PTPRG: variants seen among roughly 807,000 people sequenced by gnomAD.
PTPRG encodes receptor-type tyrosine-protein phosphatase gamma.
Under a neutral mutation model 165.3 loss-of-function variants are expected in PTPRG, and 102 were observed. That is an observed-to-expected ratio of 0.62 (90% CI 0.53 to 0.73). The LOEUF is 0.73. Among genes scored for constraint, PTPRG ranks in the 30% least tolerant of loss-of-function variants. The pLI is 0.00. For synonymous variants in PTPRG, 675 were observed against 669.5 expected (o/e 1.01, Z -0.13); for missense variants, 1,866 against 1,861.4 (o/e 1.00, Z -0.05).
At chr3:61,586,014 A>G (rs1272732674) in intron 1 of PTPRG, among the ~76,000 whole-genome samples, 1 of 152,254 alleles carries the variant, frequency 6.6e-6, no homozygotes, top group Non-Finnish European at 1.5e-5. Context: ...ATTGGATTAT[A>G]ACATGAATTT....
chr3:61,669,394 A>G (rs990534442), intron 1 of PTPRG, among the ~76,000 whole-genome samples: 1 of 113,564 alleles, frequency 8.8e-6, no homozygotes, highest in African/African-American at 2.7e-5. Flanking sequence ...TCAGAGGAAC[A>G]TTGGATGTGT....
rs143922891 is a variant in PTPRG, at chr3:61,841,911, C to T, written c.190+92929C>T. Among the ~76,000 whole-genome samples, 431 of 152,232 alleles carry T rather than the reference C, an allele frequency of 2.8e-3. 1 individual carries two copies. The highest frequency in any genetic ancestry group is 1.0e-2 in the African/African-American group (414 of 41,530). ...TCAGGCAAATTACCCATAAAAATCC[C>T]GATGGTGGAAGGGTGGAACAAGAGA... On this transcript the variant is annotated intron_variant, in intron 2 of 29. Transcript: ENST00000474889.
intron 1 of PTPRG, among the ~76,000 whole-genome samples, chr3:61,671,762 C>G (rs111808320): frequency 1.3e-5 from 1 of 77,846 alleles, no homozygotes; most frequent in Non-Finnish European, 2.5e-5. Context: ...GCTGGCCGGG[C>G]GGGGGGCTGA....
At chr3:61,639,052 C>A (rs1017206932) in intron 1 of PTPRG, among the ~76,000 whole-genome samples, 4 of 152,158 alleles carry the variant, frequency 2.6e-5, no homozygotes, top group African/African-American at 4.8e-5. Flanking sequence ...CCTGATCTTA[C>A]ATTTAAATCT....
At chr3:61,840,061 A>G (rs2107324886) in intron 2 of PTPRG, among the ~76,000 whole-genome samples, 1 of 152,322 alleles carries the variant, frequency 6.6e-6, no homozygotes. Context: ...ATACACTTAT[A>G]GTTTATATGC....
intron 2 of PTPRG, among the ~76,000 whole-genome samples, chr3:61,790,602 G>T (rs1348510796): frequency 6.6e-6 from 1 of 152,140 alleles, no homozygotes; most frequent in Non-Finnish European, 1.5e-5. Flanking sequence ...CTTTCCCTAT[G>T]TATACACATG....
At chr3:61,853,049 A>G (rs1191005601) in intron 2 of PTPRG, among the ~76,000 whole-genome samples, 2 of 152,196 alleles carry the variant, frequency 1.3e-5, no homozygotes. Flanking sequence ...TGTTACATGC[A>G]GGGGATAGGA....
intron 6 of PTPRG, among the ~76,000 whole-genome samples, chr3:62,143,329 G>A (rs1302919834): frequency 2.6e-5 from 4 of 152,222 alleles, no homozygotes; most frequent in Admixed American, 2.6e-4. Flanking sequence ...CGACTTTTGG[G>A]AAAAATGAAT....
chr3:61,959,486 C>G (rs1007225242), intron 2 of PTPRG, among the ~76,000 whole-genome samples: 1 of 152,202 alleles, frequency 6.6e-6, no homozygotes, highest in African/African-American at 2.4e-5. Context: ...AGGGTTCGCT[C>G]TCCTATGAGA....
At chr3:61,961,007 T>A (rs1370857928) in intron 2 of PTPRG, among the ~76,000 whole-genome samples, 1 of 152,164 alleles carries the variant, frequency 6.6e-6, no homozygotes, top group East Asian at 1.9e-4. Flanking sequence ...AAATGTTTTG[T>A]CTTAGCAGGG....
intron 1 of PTPRG, among the ~76,000 whole-genome samples, chr3:61,696,558 C>CA (rs1456233809): frequency 2.0e-5 from 3 of 152,178 alleles, no homozygotes; most frequent in Non-Finnish European, 4.4e-5. Context: ...TGTGAGCCCA[C>CA]ATTTGGTTTT....
chr3:62,200,628 AATTT>A (rs1700075667), intron 10 of PTPRG, among the ~76,000 whole-genome samples: 1 of 152,136 alleles, frequency 6.6e-6, no homozygotes, highest in African/African-American at 2.4e-5. Context: ...TCTTAAAAAA[AATTT>A]TTTTCTAAGT....
chr3:61,957,655 G>C (rs1486706349), intron 2 of PTPRG, among the ~76,000 whole-genome samples: 1 of 152,190 alleles, frequency 6.6e-6, no homozygotes, highest in Non-Finnish European at 1.5e-5. Context: ...TCATTTAGTA[G>C]CTTCTGCAGG....
chr3:62,272,287 A>G (rs1445813346), intron 21 of PTPRG, among the ~76,000 whole-genome samples: 2 of 152,178 alleles, frequency 1.3e-5, no homozygotes. Context: ...AAAATATTTC[A>G]TTTTTAAATT....
intron 6 of PTPRG, among the ~76,000 whole-genome samples, chr3:62,147,281 A>G (rs1442594272): frequency 6.6e-6 from 1 of 152,174 alleles, no homozygotes; most frequent in Non-Finnish European, 1.5e-5. Flanking sequence ...GTGAAGGGTA[A>G]ACTGAGGCTA....
chr3:62,162,419 C>A (rs1286932808), intron 7 of PTPRG, among the ~76,000 whole-genome samples: 1 of 152,152 alleles, frequency 6.6e-6, no homozygotes, highest in African/African-American at 2.4e-5. Flanking sequence ...TAAAAACTTT[C>A]ATTTATTTTT....
At chr3:62,243,666 A>G in intron 14 of PTPRG, 141 bp from the exon 15 acceptor site, 1 of 522,980 alleles carries the variant, frequency 1.9e-6, no homozygotes, top group South Asian at 3.9e-5. Flanking sequence ...TTGTCCTTGT[A>G]TCTTGTTACT....
chr3:62,188,655 G>A (rs1699724716), intron 8 of PTPRG, among the ~76,000 whole-genome samples: 1 of 152,116 alleles, frequency 6.6e-6, no homozygotes, highest in African/African-American at 2.4e-5. Flanking sequence ...CAAAAAATAA[G>A]AAGAATGGTT....
At chr3:62,071,529 T>C (rs1477420490) in intron 4 of PTPRG, among the ~76,000 whole-genome samples, 1 of 152,212 alleles carries the variant, frequency 6.6e-6, no homozygotes, top group Non-Finnish European at 1.5e-5. Flanking sequence ...CTTATGCTTT[T>C]ATTTCGTGAT....
Sources: allele counts gnomAD v4.1 joint callset (sites outside exome capture counted in the v4.1 genomes callset), GRCh38; gene constraint gnomAD v4.1.1; transcripts MANE v1.5; gene names NCBI Gene and HGNC (gene_info 2026-07-23, HGNC 2026-07-21).